Variants in SCNN1A observed in about 807,000 individuals in gnomAD.
SCNN1A encodes sodium channel epithelial 1 subunit alpha, also known as epithelial sodium channel subunit alpha.
SCNN1A carries 65 observed loss-of-function variants against 68.6 expected under a neutral mutation model. The observed-to-expected ratio is 0.95, with a 90% CI of 0.78 to 1.16. The LOEUF is 1.16. Ranked by LOEUF, SCNN1A falls within the 50% of genes most tolerant of loss-of-function variation. The probability of loss-of-function intolerance (pLI) is 0.00; values close to 1 mark genes in which losing one functional copy is unlikely to be tolerated. For missense variants in SCNN1A, 880 were observed against 865.9 expected (o/e 1.02, Z -0.20); for synonymous variants, 357 against 353.3 (o/e 1.01, Z -0.12).
chr12:6,353,528 C>G (rs1339396838), intron 8 of SCNN1A, among the ~76,000 whole-genome samples: 2 of 151,886 alleles, frequency 1.3e-5, no homozygotes, highest in Non-Finnish European at 2.9e-5. Context: ...TGGAGGTTTT[C>G]TCACGTGCTC....
At chr12:6,370,977 C>T (rs968859677) in intron 2 of SCNN1A, among the ~76,000 whole-genome samples, 2 of 152,170 alleles carry the variant, frequency 1.3e-5, no homozygotes, top group African/African-American at 4.8e-5. Context: ...AGTGAAGAAG[C>T]CCTTTGTTGA....
intron 5 of SCNN1A, among the ~76,000 whole-genome samples, 157 bp downstream of exon 5, chr12:6,355,620 C>T (rs565216074): frequency 9.8e-5 from 15 of 152,292 alleles, no homozygotes; most frequent in East Asian, 9.6e-4. Flanking sequence ...AGACCTGGGA[C>T]GGGATTCCTC....
intron 2 of SCNN1A, 65 bp from the exon 3 acceptor site, chr12:6,363,775 G>A (rs1948625594): frequency 6.8e-7 from 1 of 1,472,028 alleles, no homozygotes; most frequent in Non-Finnish European, 9.1e-7. Context: ...CCCCTCCGGG[G>A]TCAGGGTCCT....
At chr12:6,366,124 GAT>G (rs1948675168) in intron 2 of SCNN1A, among the ~76,000 whole-genome samples, 1 of 152,112 alleles carries the variant, frequency 6.6e-6, no homozygotes, top group Non-Finnish European at 1.5e-5. Context: ...AATGTGTTGG[GAT>G]TACAGTCGTG....
chr12:6,352,787 G>A (rs763501436), intron 8 of SCNN1A, among the ~76,000 whole-genome samples: 4 of 152,246 alleles, frequency 2.6e-5, no homozygotes, highest in African/African-American at 2.4e-5. Flanking sequence ...AGAGAACTGC[G>A]GAGCCAGCCC....
chr12:6,354,914 C>G, intron 6 of SCNN1A, 66 bp from the exon 7 acceptor site: 1 of 1,334,492 alleles, frequency 7.5e-7, no homozygotes, highest in Non-Finnish European at 1.1e-6. Context: ...TCTGCCTTCC[C>G]TCAGTTCCAG....
Position 6,372,780 on chromosome 12 carries a change from G to C in SCNN1A, c.416+1588C>G, listed in dbSNP as rs762244751. Among the ~76,000 whole-genome samples the C allele has an allele frequency of 2.3e-4, 35 of 152,212 alleles. No individual in the cohort carries two copies. Among genetic ancestry groups the C allele is most frequent in the Non-Finnish European group, 4.7e-4 (32 of 68,044 alleles). Reference sequence around the variant, plus strand: ...CAGGGGGAGAAAAATGAGGCTAAGAGGAAGGACCCAAGAGAGCTCTGAAAT... The same window carrying C: ...CAGGGGGAGAAAAATGAGGCTAAGACGAAGGACCCAAGAGAGCTCTGAAAT... On this transcript the variant is annotated intron_variant, in intron 2 of 12. Transcript: ENST00000228916. The surrounding 1 kb of genome is among the most constrained non-coding windows in gnomAD (Gnocchi z 5.8).
chr12:6,374,543 G>C lies in SCNN1A; in HGVS notation c.241C>G (p.Arg81Gly). ...ACTGCCCAGAAGGCCGTCTTCATGCGGTTGTGCTGGGAGCACACCAGGCGG... is the reference window on the plus strand; with the variant it reads ...ACTGCCCAGAAGGCCGTCTTCATGCCGTTGTGCTGGGAGCACACCAGGCGG... ...AIRLVCSQHN[R>G]MKTAFWAVLW... Residue 81 changes from arginine to glycine, a missense_variant, in exon 2 of 13, where the codon CGC (arginine) becomes GGC (glycine). This residue lies in a region of SCNN1A where 45 missense variants were observed against 76.7 expected (regional missense o/e 0.59). Coordinates refer to ENST00000228916, the MANE Select transcript of SCNN1A (RefSeq NM_001038.6). The surrounding 1 kb of genome is among the most constrained non-coding windows in gnomAD (Gnocchi z 6.2). 1 of 1,614,194 alleles carries C rather than the reference G, an allele frequency of 6.2e-7. No homozygotes were observed. Among genetic ancestry groups the C allele is most frequent in the Non-Finnish European group, 8.5e-7 (1 of 1,180,024 alleles).
intron 2 of SCNN1A, among the ~76,000 whole-genome samples, chr12:6,371,458 C>A (rs368848282): frequency 1.5e-4 from 22 of 150,610 alleles, no homozygotes; most frequent in African/African-American, 5.1e-4. Context: ...GCTTTGAAAT[C>A]AAACACACTA....
At position 6,374,333 on chromosome 12, in the gene SCNN1A, C is replaced by G; in HGVS notation, c.416+35G>C. ...GCACCCTGGACCACCCTTCCAGGCG[C>G]AGGCACCAGGGAAGGGGCAGAGGGA... On this transcript the variant is annotated intron_variant, in intron 2 of 12. Transcript: ENST00000228916. The surrounding 1 kb of genome is among the most constrained non-coding windows in gnomAD (Gnocchi z 6.2). 1 of 1,609,216 alleles carries G rather than the reference C, an allele frequency of 6.2e-7. No homozygotes were observed. The highest frequency in any genetic ancestry group is 8.5e-7 in the Non-Finnish European group (1 of 1,176,426).
intron 2 of SCNN1A, among the ~76,000 whole-genome samples, chr12:6,365,989 G>A (rs1420945321): frequency 4.0e-5 from 4 of 99,816 alleles, no homozygotes; most frequent in Admixed American, 3.7e-4. Flanking sequence ...CTAGTAGCTG[G>A]GACTACAGGT....
At chr12:6,375,069 T>C in intron 1 of SCNN1A, 1 of 1,528,992 alleles carries the variant, frequency 6.5e-7, no homozygotes, top group South Asian at 1.2e-5. Context: ...TGGGCTTCCC[T>C]AGAACGGCCT....
In SCNN1A at chr12:6,354,161, G is replaced by A. The variant is rs111545730; in HGVS notation, c.1360+277C>T. Among the ~76,000 whole-genome samples the A allele has an allele frequency of 0.029, 4,365 of 152,036 alleles. 77 individuals carry two copies. Among genetic ancestry groups the A allele is most frequent in the Non-Finnish European group, 0.046 (3,104 of 67,962 alleles). On this transcript the variant is annotated intron_variant, in intron 8 of 12. Coordinates refer to ENST00000228916, the MANE Select transcript of SCNN1A (RefSeq NM_001038.6). ...CAGGAGAATGGTGGGAACCCGGGAG[G>A]TGGAGCTTGCAGTGAGCCGAGATCG...
At chr12:6,356,164 A>G (rs929672035) in intron 4 of SCNN1A, 31 of 491,820 alleles carry the variant, frequency 6.3e-5, no homozygotes, top group South Asian at 6.3e-4. Context: ...AAGGTCACAC[A>G]TCTACCTTCT....
At position 6,348,093 on chromosome 12, in the gene SCNN1A, C is replaced by G. The variant is rs202038572; in HGVS notation, c.1790G>C (p.Arg597Pro). Residue 597 changes from arginine (R) to proline (P), a missense_variant, in exon 13 of 13, where the codon CGA becomes CCA. This residue lies in a region of SCNN1A where 758 missense variants were observed against 721.8 expected (regional missense o/e 1.05). Transcript: ENST00000228916. ...TACCTCCTGAGCACCCCTGCCCCCTCGGCCTGGAGACCAGTATCGGCTTCG... is the reference window on the plus strand; with the variant it reads ...TACCTCCTGAGCACCCCTGCCCCCTGGGCCTGGAGACCAGTATCGGCTTCG... ...RFRSRYWSPG[R>P]GGRGAQEVAS... 1.9e-6 allele frequency: 3 copies of G among 1,614,140 alleles called. No individual in the cohort carries two copies. Among genetic ancestry groups the G allele is most frequent in the Non-Finnish European group, 2.5e-6 (3 of 1,180,026 alleles).
intron 2 of SCNN1A, among the ~76,000 whole-genome samples, chr12:6,373,035 A>G (rs1279136614): frequency 6.6e-6 from 1 of 152,206 alleles, no homozygotes; most frequent in Non-Finnish European, 1.5e-5. Context: ...GAGATACCCA[A>G]GACACCTTCG....
At chr12:6,353,639 G>A (rs1475136620) in intron 8 of SCNN1A, 1 of 112,504 alleles carries the variant, frequency 8.9e-6, no homozygotes. Context: ...ACCCAGGCTG[G>A]AGTGCAATGG....
intron 1 of SCNN1A, 194 bp from the exon 2 acceptor site, chr12:6,375,031 C>T (rs1427089940): frequency 1.7e-5 from 26 of 1,540,700 alleles, no homozygotes; most frequent in Middle Eastern, 1.8e-4. Flanking sequence ...AGCAGACCTG[C>T]GGGAGTTGGG....
chr12:6,372,372 C>T lies in SCNN1A; in HGVS notation c.416+1996G>A, dbSNP rs2136908040. 6.7e-6 allele frequency among the ~76,000 whole-genome samples: 1 copy of T among 149,938 alleles called. No individual in the cohort carries two copies. The highest frequency in any genetic ancestry group is 2.0e-4 in the East Asian group (1 of 5,014). On this transcript the variant is annotated intron_variant, in intron 2 of 12. Transcript: ENST00000228916. The surrounding 1 kb of genome is among the most constrained non-coding windows in gnomAD (Gnocchi z 5.8). ...GTGCTTGGTGGGTGTTGCATCTCCT[C>T]CCGCTGTGCTGGGGAGCCCTTCCCC...
Sources: gnomAD v4.1 joint callset for allele counts (sites outside exome capture counted in the v4.1 genomes callset) on GRCh38, gnomAD v4.1.1 for gene constraint, gnomAD v4.1.1 regional missense constraint, Gnocchi (gnomAD v3.1) non-coding constraint, MANE v1.5 for transcripts, NCBI Gene and HGNC (gene_info 2026-07-23, HGNC 2026-07-21) for gene names.